The following NRG1 variants were observed in gnomAD, a reference collection of about 807,000 sequenced individuals.
The protein encoded by NRG1 is pro-neuregulin-1, membrane-bound isoform.
NRG1 carries 18 observed loss-of-function variants against 63.8 expected under a neutral mutation model. The ratio of observed to expected loss-of-function variants is 0.28; its 90% CI spans 0.19 to 0.42. The LOEUF (loss-of-function observed/expected upper bound fraction) is 0.42, where lower values mean the gene tolerates loss of function less well. NRG1 is among the 10% of genes least tolerant of loss of function. The pLI, the probability that NRG1 is intolerant of heterozygous loss-of-function variation, is 1.00. For synonymous variants in NRG1, 302 were observed against 301.3 expected (o/e 1.00, Z -0.02); for missense variants, 762 against 814.7 (o/e 0.94, Z 0.79).
Position 31,803,774 on chromosome 8 carries a change from A to G in NRG1, c.37+164343A>G, listed in dbSNP as rs145234144. ...TTTCTTTCCATGGCCTAAAGGGTCT[A>G]CTTGATCAGTGTATCGCCTTTCTCT... On this transcript the variant is annotated intron_variant, in intron 1 of 10. Coordinates refer to the NRG1 transcript ENST00000519301. Among the ~76,000 whole-genome samples the G allele has an allele frequency of 9.6e-3, 1,464 of 152,312 alleles. 22 individuals carry two copies. Among genetic ancestry groups the G allele is most frequent in the African/African-American group, 0.033 (1,386 of 41,580 alleles).
At chr8:32,128,634 C>T (rs1415573460) in intron 1 of NRG1, among the ~76,000 whole-genome samples, 1 of 151,826 alleles carries the variant, frequency 6.6e-6, no homozygotes, top group Non-Finnish European at 1.5e-5. Context: ...TGCAGGCTGC[C>T]CATGTTTAGT....
At chr8:31,960,211 A>G (rs76632214) in intron 1 of NRG1, among the ~76,000 whole-genome samples, 2,750 of 152,274 alleles carry the variant, frequency 0.018, 79 homozygotes, top group African/African-American at 0.061. Context: ...TATTGCTGTG[A>G]TCCATTAAGT....
chr8:32,286,726 C>T (rs760195909), intron 1 of NRG1, among the ~76,000 whole-genome samples: 4 of 152,124 alleles, frequency 2.6e-5, no homozygotes, highest in Non-Finnish European at 5.9e-5. Context: ...TGGCCGGGCA[C>T]GGTGGCTCAC....
chr8:32,330,728 T>C (rs1246878606), intron 1 of NRG1, among the ~76,000 whole-genome samples: 2 of 152,220 alleles, frequency 1.3e-5, no homozygotes, highest in Non-Finnish European at 1.5e-5. Context: ...TCAGGCAACA[T>C]TTCCAGCAAT....
chr8:32,206,627 C>A (rs1007242330), intron 1 of NRG1, among the ~76,000 whole-genome samples: 3 of 152,172 alleles, frequency 2.0e-5, no homozygotes, highest in Non-Finnish European at 4.4e-5. Flanking sequence ...AATAATGCCC[C>A]TCCATGTCCA....
chr8:32,277,267 A>T (rs1852211254), intron 1 of NRG1, among the ~76,000 whole-genome samples: 1 of 152,224 alleles, frequency 6.6e-6, no homozygotes, highest in Admixed American at 6.5e-5. Flanking sequence ...ATTTTTAAAC[A>T]TGATTTTGGT....
intron 1 of NRG1, among the ~76,000 whole-genome samples, chr8:31,946,014 G>C (rs1025644576): frequency 6.6e-6 from 1 of 152,122 alleles, no homozygotes; most frequent in Non-Finnish European, 1.5e-5. Flanking sequence ...CCCACAACTC[G>C]ATCGCCATTG....
intron 1 of NRG1, among the ~76,000 whole-genome samples, chr8:31,868,195 A>ACAC (rs1554558537): frequency 7.1e-6 from 1 of 140,396 alleles, no homozygotes; most frequent in African/African-American, 2.9e-5. Context: ...CACACACACA[A>ACAC]ATAAGCCCTG....
chr8:31,945,923 T>C (rs543788383), intron 1 of NRG1, among the ~76,000 whole-genome samples: 1 of 152,334 alleles, frequency 6.6e-6, no homozygotes, highest in South Asian at 2.1e-4. Flanking sequence ...CCATTTACTA[T>C]GTTCTGAAGA....
At chr8:32,548,249 C>A, upstream of NRG1, 1 of 985,942 alleles carries the variant, frequency 1.0e-6, no homozygotes, top group Non-Finnish European at 1.2e-6. Context: ...CTGCCTCCAA[C>A]CTGCGGGCGG....
chr8:32,713,734 T>G (rs1468457833), intron 5 of NRG1, among the ~76,000 whole-genome samples: 2 of 146,004 alleles, frequency 1.4e-5, no homozygotes, highest in African/African-American at 5.0e-5. Flanking sequence ...TATAAATATA[T>G]AATATATTTG....
At chr8:32,069,096 C>G (rs1027766475) in intron 1 of NRG1, among the ~76,000 whole-genome samples, 1 of 152,130 alleles carries the variant, frequency 6.6e-6, no homozygotes, top group Non-Finnish European at 1.5e-5. Context: ...GGTGCTATCT[C>G]CTTGAAGGAG....
chr8:32,585,221 A>G (rs1467339021), intron 1 of NRG1, among the ~76,000 whole-genome samples: 1 of 152,178 alleles, frequency 6.6e-6, no homozygotes, highest in African/African-American at 2.4e-5. Flanking sequence ...ATCCTGTTTT[A>G]TGACAATGGA....
chr8:31,656,571 G>C (rs1489744946), intron 1 of NRG1, among the ~76,000 whole-genome samples: 1 of 152,190 alleles, frequency 6.6e-6, no homozygotes, highest in East Asian at 1.9e-4. Context: ...TTCTTTGGTG[G>C]TGGGGGATAA....
chr8:32,685,338 G>A (rs1809805931), intron 5 of NRG1, among the ~76,000 whole-genome samples: 1 of 152,036 alleles, frequency 6.6e-6, no homozygotes. Context: ...TCTTTTGGAG[G>A]GACTTAGTCT....
intron 1 of NRG1, among the ~76,000 whole-genome samples, chr8:31,809,224 C>T (rs964028384): frequency 2.7e-5 from 4 of 150,712 alleles, no homozygotes; most frequent in African/African-American, 9.7e-5. Flanking sequence ...GAAATGTCAT[C>T]AAAATATGTC....
intron 1 of NRG1, among the ~76,000 whole-genome samples, chr8:31,966,003 C>G (rs753369664): frequency 1.3e-5 from 2 of 152,058 alleles, no homozygotes; most frequent in Non-Finnish European, 2.9e-5. Flanking sequence ...GAAAGATGAT[C>G]TATTGGATAA....
At chr8:31,699,623 T>C (rs1040480639) in intron 1 of NRG1, among the ~76,000 whole-genome samples, 2 of 152,210 alleles carry the variant, frequency 1.3e-5, no homozygotes, top group African/African-American at 4.8e-5. Context: ...TGCAAGTCTT[T>C]GGCAGCTTTC....
At chr8:32,540,178 C>T (rs866992375) in intron 1 of NRG1, among the ~76,000 whole-genome samples, 4 of 151,706 alleles carry the variant, frequency 2.6e-5, no homozygotes, top group African/African-American at 4.8e-5. Context: ...GCAGGTAAAC[C>T]GGCAGGATAA....
Sources: allele counts gnomAD v4.1 joint callset (sites outside exome capture counted in the v4.1 genomes callset), GRCh38; gene constraint gnomAD v4.1.1; transcripts MANE v1.5; gene names NCBI Gene and HGNC (gene_info 2026-07-23, HGNC 2026-07-21).